Variants in HYCC1 observed in about 807,000 individuals in gnomAD.
The protein encoded by HYCC1 is hyccin.
chr7:22,922,851 C>T, the HYCC1 span, among the ~76,000 whole-genome samples: 1 of 152,024 alleles, frequency 6.6e-6, no homozygotes, highest in Non-Finnish European at 1.5e-5. Context: ...AGTGTCAACC[C>T]ATCAGGAAGC....
chr7:22,964,770 T>C, the HYCC1 span, among the ~76,000 whole-genome samples: 1 of 152,198 alleles, frequency 6.6e-6, no homozygotes, highest in Non-Finnish European at 1.5e-5. Flanking sequence ...CAGATTCACT[T>C]ACTGGTTAGT....
the HYCC1 span, among the ~76,000 whole-genome samples, chr7:22,950,637 G>T: frequency 6.6e-6 from 1 of 151,882 alleles, no homozygotes; most frequent in African/African-American, 2.4e-5. Flanking sequence ...TCTTTGTTTT[G>T]GAAAAGTGAA....
chr7:22,981,493 T>C, the HYCC1 span, among the ~76,000 whole-genome samples: 3 of 152,294 alleles, frequency 2.0e-5, no homozygotes, highest in African/African-American at 7.2e-5. Context: ...CTGTTATATT[T>C]TAGAAGCACT....
chr7:22,994,006 A>T, the HYCC1 span, among the ~76,000 whole-genome samples: 6 of 152,148 alleles, frequency 3.9e-5, no homozygotes, highest in South Asian at 2.1e-4. Flanking sequence ...TTAGAGACAG[A>T]GTCTCACTCT....
the HYCC1 span, among the ~76,000 whole-genome samples, chr7:22,949,288 C>T: frequency 6.6e-6 from 1 of 151,978 alleles, no homozygotes; most frequent in Admixed American, 6.6e-5. Context: ...CATTTACAGA[C>T]AAGGAAACTG....
the HYCC1 span, among the ~76,000 whole-genome samples, chr7:22,999,639 CA>C: frequency 2.6e-5 from 4 of 152,034 alleles, no homozygotes; most frequent in Admixed American, 1.3e-4. Flanking sequence ...ACAGAAGTAG[CA>C]AAAACAAACA....
At chr7:22,977,399 T>C in the HYCC1 span, 94 of 1,586,984 alleles carry the variant, frequency 5.9e-5, no homozygotes, top group Admixed American at 6.0e-4. Flanking sequence ...TACTTTGGTA[T>C]GTCCCTGTTT....
At chr7:22,976,825 T>G in the HYCC1 span, 1 of 1,474,748 alleles carries the variant, frequency 6.8e-7, no homozygotes, top group East Asian at 2.3e-5. Context: ...AAAAGACATT[T>G]GAATAAAGAA....
At chr7:22,924,243 C>G in the HYCC1 span, among the ~76,000 whole-genome samples, 1 of 151,332 alleles carries the variant, frequency 6.6e-6, no homozygotes, top group East Asian at 1.9e-4. Context: ...CAGCCTACAG[C>G]TCCCAGCATG....
chr7:22,912,351 G>A, the HYCC1 span, among the ~76,000 whole-genome samples: 3 of 152,280 alleles, frequency 2.0e-5, no homozygotes, highest in Admixed American at 2.0e-4. Flanking sequence ...TCTCTCCTCA[G>A]CTCCTAATCA....
At chr7:22,920,455 A>G in the HYCC1 span, among the ~76,000 whole-genome samples, 1 of 152,214 alleles carries the variant, frequency 6.6e-6, no homozygotes, top group Non-Finnish European at 1.5e-5. Context: ...ACCTTAGGCA[A>G]TAGAATAACA....
chr7:22,921,493 G>T, the HYCC1 span, among the ~76,000 whole-genome samples: 1 of 151,960 alleles, frequency 6.6e-6, no homozygotes, highest in East Asian at 1.9e-4. Context: ...ATGTATTCTT[G>T]GGTTTGTAGA....
chr7:22,960,031 G>A, the HYCC1 span, among the ~76,000 whole-genome samples: 1 of 152,100 alleles, frequency 6.6e-6, no homozygotes, highest in Admixed American at 6.5e-5. Context: ...ATTTCAAATT[G>A]AATATGATTT....
chr7:22,953,798 G>C, the HYCC1 span, among the ~76,000 whole-genome samples: 2 of 151,792 alleles, frequency 1.3e-5, no homozygotes, highest in South Asian at 4.1e-4. Flanking sequence ...TCTATATTGG[G>C]AAAGAAAATC....
At chr7:22,957,341 G>A in the HYCC1 span, among the ~76,000 whole-genome samples, 4 of 149,738 alleles carry the variant, frequency 2.7e-5, no homozygotes, top group Admixed American at 1.3e-4. Flanking sequence ...TTTACTTGGC[G>A]TCTTCCATGA....
the HYCC1 span, among the ~76,000 whole-genome samples, chr7:23,012,250 T>C: frequency 3.9e-5 from 6 of 152,162 alleles, no homozygotes; most frequent in African/African-American, 1.4e-4. Context: ...AATAAAACAG[T>C]ACATATATTT....
At chr7:22,912,528 G>A in the HYCC1 span, among the ~76,000 whole-genome samples, 2 of 152,134 alleles carry the variant, frequency 1.3e-5, no homozygotes, top group East Asian at 3.9e-4. Context: ...AAGTGCAGCC[G>A]GCCAAGCTGG....
At chr7:22,913,901 G>A in the HYCC1 span, among the ~76,000 whole-genome samples, 1 of 152,150 alleles carries the variant, frequency 6.6e-6, no homozygotes, top group Admixed American at 6.5e-5. Flanking sequence ...CTCACTCCAT[G>A]AGGAGATCCA....
chr7:22,982,140 C>G, the HYCC1 span, among the ~76,000 whole-genome samples: 375 of 152,262 alleles, frequency 2.5e-3, 5 homozygotes, highest in East Asian at 0.015. Flanking sequence ...GCTATACTTA[C>G]CCTATTTGGT....
Sources: allele counts gnomAD v4.1 joint callset (sites outside exome capture counted in the v4.1 genomes callset), GRCh38; gene constraint gnomAD v4.1.1; transcripts MANE v1.5; gene names NCBI Gene and HGNC (gene_info 2026-07-23, HGNC 2026-07-21).